The following BBX variants were observed in gnomAD, a reference collection of about 807,000 sequenced individuals.
The protein encoded by BBX is HMG box transcription factor BBX.
Under a neutral mutation model 100.2 loss-of-function variants are expected in BBX, and 30 were observed. The ratio of observed to expected loss-of-function variants is 0.30; its 90% CI spans 0.22 to 0.41. The LOEUF is 0.41. Among genes scored for constraint, BBX ranks in the 10% least tolerant of loss-of-function variants. The probability of loss-of-function intolerance (pLI) is 1.00; values close to 1 mark genes in which losing one functional copy is unlikely to be tolerated. For missense variants in BBX, 1,023 were observed against 1,129.8 expected (o/e 0.91, Z 1.35); for synonymous variants, 376 against 388.1 (o/e 0.97, Z 0.37).
intron 3 of BBX, among the ~76,000 whole-genome samples, chr3:107,709,612 T>C (rs1216532071): frequency 6.6e-6 from 1 of 152,184 alleles, no homozygotes; most frequent in African/African-American, 2.4e-5. Flanking sequence ...AATGAGTGAA[T>C]GAATGAATGA....
rs559724193 is a variant in BBX, at chr3:107,652,288, T to C, written c.-10+6379T>C. On this transcript the variant is annotated intron_variant, in intron 3 of 17. Coordinates refer to ENST00000325805, the MANE Select transcript of BBX (RefSeq NM_001142568.3). Reference sequence around the variant, plus strand: ...AATTTTAGTTTCTAGTGATTTGGCATTTGTCTAAAAAATGTAATCAAAAAA... The same window carrying C: ...AATTTTAGTTTCTAGTGATTTGGCACTTGTCTAAAAAATGTAATCAAAAAA... Among the ~76,000 whole-genome samples, 4 of 151,904 alleles carry C rather than the reference T, an allele frequency of 2.6e-5. No homozygotes were observed. The South Asian group carries it at 8.3e-4, about 32-fold the overall frequency.
At chr3:107,651,421 G>A (rs1201842228) in intron 3 of BBX, among the ~76,000 whole-genome samples, 2 of 152,120 alleles carry the variant, frequency 1.3e-5, no homozygotes, top group African/African-American at 4.8e-5. Context: ...GAAAATTCAA[G>A]TGATTTATAT....
chr3:107,652,252 A>C (rs778273964), intron 3 of BBX, among the ~76,000 whole-genome samples: 12 of 152,172 alleles, frequency 7.9e-5, no homozygotes, highest in Non-Finnish European at 1.5e-4. Context: ...TGTGTTCTAC[A>C]TCACTAGAAT....
intron 13 of BBX, among the ~76,000 whole-genome samples, chr3:107,785,403 T>C (rs1417449325): frequency 6.6e-6 from 1 of 151,930 alleles, no homozygotes; most frequent in Non-Finnish European, 1.5e-5. Flanking sequence ...GATCAATATC[T>C]CTTACAAATG....
intron 3 of BBX, among the ~76,000 whole-genome samples, chr3:107,682,994 A>G (rs901623532): frequency 6.6e-6 from 1 of 152,284 alleles, no homozygotes; most frequent in East Asian, 1.9e-4. Context: ...GTAAAATAAG[A>G]CATGTTGAAT....
chr3:107,652,399 T>C (rs1048704819), intron 3 of BBX, among the ~76,000 whole-genome samples: 8 of 111,736 alleles, frequency 7.2e-5, no homozygotes, highest in Non-Finnish European at 9.4e-5. Flanking sequence ...TGTGTACTTA[T>C]AGACTAAAGG....
intron 1 of BBX, chr3:107,525,289 G>A (rs2107272557): frequency 6.6e-6 from 1 of 152,266 alleles, no homozygotes; most frequent in East Asian, 2.0e-4. Context: ...CAGAGGCAGT[G>A]GCGGCGGGAT....
intron 2 of BBX, among the ~76,000 whole-genome samples, chr3:107,547,332 A>C (rs768469072): frequency 2.0e-5 from 3 of 152,214 alleles, no homozygotes; most frequent in Non-Finnish European, 4.4e-5. Context: ...GTATCTGCTC[A>C]GTCAATGAAA....
At chr3:107,633,510 T>C (rs2056672178) in intron 2 of BBX, among the ~76,000 whole-genome samples, 1 of 152,242 alleles carries the variant, frequency 6.6e-6, no homozygotes, top group Non-Finnish European at 1.5e-5. Flanking sequence ...GATAGAGCTG[T>C]CATCTCTGGG....
intron 2 of BBX, among the ~76,000 whole-genome samples, chr3:107,591,596 T>G (rs2053317852): frequency 6.6e-6 from 1 of 152,220 alleles, no homozygotes; most frequent in African/African-American, 2.4e-5. Flanking sequence ...CAACTGATCC[T>G]CCTGCCTCAT....
chr3:107,761,453 T>C (rs536635349), intron 10 of BBX, among the ~76,000 whole-genome samples: 25 of 152,044 alleles, frequency 1.6e-4, no homozygotes, highest in African/African-American at 6.0e-4. Context: ...ACTTAAGGTG[T>C]GAGAAGATAA....
chr3:107,607,374 C>T lies in BBX; in HGVS notation c.-83-38462C>T, dbSNP rs577460641. Among the ~76,000 whole-genome samples, 4 of 152,282 alleles carry T rather than the reference C, an allele frequency of 2.6e-5. No homozygotes were observed. The South Asian group carries it at 8.3e-4, about 32-fold the overall frequency. On this transcript the variant is annotated intron_variant, in intron 2 of 17. Transcript: ENST00000325805. ...GGGATTACAGGTGTGAGCCACTGTGCCTGGTCAAGATCTTATTCTTTTTTA... is the reference window on the plus strand; with the variant it reads ...GGGATTACAGGTGTGAGCCACTGTGTCTGGTCAAGATCTTATTCTTTTTTA...
chr3:107,618,459 C>A (rs1020198823), intron 2 of BBX, among the ~76,000 whole-genome samples: 7 of 151,904 alleles, frequency 4.6e-5, no homozygotes, highest in Non-Finnish European at 1.0e-4. Context: ...TTTATTTTGA[C>A]TTTTCTTCAG....
At chr3:107,538,197 GT>G (rs948528730) in intron 2 of BBX, among the ~76,000 whole-genome samples, 3 of 151,898 alleles carry the variant, frequency 2.0e-5, no homozygotes, top group Admixed American at 6.6e-5. Context: ...TAAGACTAGG[GT>G]TTTTTTTATG....
chr3:107,669,654 T>A (rs1007487152), intron 3 of BBX, among the ~76,000 whole-genome samples: 5 of 152,166 alleles, frequency 3.3e-5, no homozygotes, highest in African/African-American at 1.2e-4. Flanking sequence ...TCTCTTGGGT[T>A]GAAGTGGTGC....
At chr3:107,569,390 TTTTTTTAA>T (rs1305305222) in intron 2 of BBX, among the ~76,000 whole-genome samples, 22 of 152,052 alleles carry the variant, frequency 1.4e-4, no homozygotes, top group Admixed American at 1.4e-3. Context: ...TTATTTTTTA[TTTTTTTAA>T]TTTTTTTTTA....
chr3:107,601,728 G>A (rs2054079003), intron 2 of BBX, among the ~76,000 whole-genome samples: 1 of 152,262 alleles, frequency 6.6e-6, no homozygotes, highest in Non-Finnish European at 1.5e-5. Flanking sequence ...AGCAGCAAGT[G>A]CTGATGGAGA....
intron 13 of BBX, among the ~76,000 whole-genome samples, chr3:107,788,930 T>C (rs1449353551): frequency 6.6e-6 from 1 of 152,182 alleles, no homozygotes; most frequent in East Asian, 1.9e-4. Flanking sequence ...CCTTTTTCTT[T>C]TCTAAGTTAA....
intron 3 of BBX, chr3:107,659,646 A>G (rs1453762892): frequency 1.6e-5 from 16 of 1,011,996 alleles, no homozygotes; most frequent in South Asian, 1.5e-5. Context: ...CTGGAATTCA[A>G]ACTCAGGCTG....
Sources: gnomAD v4.1 joint callset for allele counts (sites outside exome capture counted in the v4.1 genomes callset) on GRCh38, gnomAD v4.1.1 for gene constraint, MANE v1.5 for transcripts, NCBI Gene and HGNC (gene_info 2026-07-23, HGNC 2026-07-21) for gene names.